Variants in NCALD observed in about 807,000 individuals in gnomAD.
The protein encoded by NCALD is neurocalcin-delta.
NCALD carries 10 observed loss-of-function variants against 18.6 expected under a neutral mutation model. The observed-to-expected ratio is 0.54, with a 90% confidence interval of 0.33 to 0.91. The LOEUF (loss-of-function observed/expected upper bound fraction) is 0.91, where lower values mean the gene tolerates loss of function less well. Among genes scored for constraint, NCALD ranks in the 40% least tolerant of loss-of-function variants. The probability of loss-of-function intolerance (pLI) is 0.03; values close to 1 mark genes in which losing one functional copy is unlikely to be tolerated. For missense variants in NCALD, 184 were observed against 247.6 expected (o/e 0.74, Z 1.72); for synonymous variants, 88 against 87.4 (o/e 1.01, Z -0.04).
At chr8:102,084,728 C>T (rs1038616909) in intron 1 of NCALD, among the ~76,000 whole-genome samples, 15 of 152,210 alleles carry the variant, frequency 9.9e-5, no homozygotes, top group African/African-American at 3.4e-4. Context: ...TCTTAGTCCA[C>T]AAGCTTGAAC....
chr8:102,103,243 C>G (rs1038198669), intron 1 of NCALD, among the ~76,000 whole-genome samples: 3 of 254 alleles, frequency 0.012, no homozygotes, highest in Non-Finnish European at 0.048. Flanking sequence ...TAAACACACT[C>G]TACCCTTTCT....
intron 1 of NCALD, among the ~76,000 whole-genome samples, chr8:101,768,527 G>A (rs1020945120): frequency 2.0e-5 from 3 of 152,146 alleles, no homozygotes; most frequent in African/African-American, 7.2e-5. Flanking sequence ...TGGCCAACAT[G>A]GTGAAGCCTC....
intron 2 of NCALD, among the ~76,000 whole-genome samples, chr8:102,001,987 G>A (rs1449955748): frequency 2.0e-5 from 3 of 152,126 alleles, no homozygotes; most frequent in African/African-American, 7.2e-5. Flanking sequence ...AAAATAACCA[G>A]CTAACATCAT....
chr8:101,699,195 T>C (rs1201107459), intron 2 of NCALD, among the ~76,000 whole-genome samples: 1 of 152,128 alleles, frequency 6.6e-6, no homozygotes, highest in Non-Finnish European at 1.5e-5. Flanking sequence ...GAAATGCGAA[T>C]CAAAACCTCA....
chr8:101,754,290 A>C, intron 1 of NCALD, among the ~76,000 whole-genome samples: 1 of 152,156 alleles, frequency 6.6e-6, no homozygotes, highest in East Asian at 1.9e-4. Context: ...ATCTGACTTT[A>C]TTCTCTCATT....
At chr8:101,924,069 C>T (rs536688629) in intron 2 of NCALD, among the ~76,000 whole-genome samples, 4 of 152,290 alleles carry the variant, frequency 2.6e-5, no homozygotes, top group African/African-American at 9.6e-5. Context: ...GCCTAGGCCT[C>T]CCAACTTCTT....
At chr8:101,858,465 T>A in intron 4 of NCALD, among the ~76,000 whole-genome samples, 1 of 152,166 alleles carries the variant, frequency 6.6e-6, no homozygotes, top group Non-Finnish European at 1.5e-5. Context: ...ACCCCACAGC[T>A]AGGCAACTTC....
chr8:101,850,206 C>T (rs572385759), intron 4 of NCALD, among the ~76,000 whole-genome samples: 16 of 152,238 alleles, frequency 1.1e-4, no homozygotes, highest in African/African-American at 3.1e-4. Flanking sequence ...AAAATTCTCG[C>T]TTGATCTGGG....
chr8:102,063,083 T>C (rs551316839), intron 1 of NCALD, among the ~76,000 whole-genome samples: 2 of 152,304 alleles, frequency 1.3e-5, no homozygotes, highest in African/African-American at 4.8e-5. Context: ...CACTATAAAA[T>C]GAATGCACTA....
intron 3 of NCALD, among the ~76,000 whole-genome samples, chr8:101,890,849 C>A (rs1816847363): frequency 6.6e-6 from 1 of 152,186 alleles, no homozygotes; most frequent in South Asian, 2.1e-4. Context: ...AGAAGACATG[C>A]ACAAACATGA....
Position 101,942,143 on chromosome 8 carries a change from C to T in NCALD, c.-156-26285G>A, listed in dbSNP as rs1326978150. On this transcript the variant is annotated intron_variant, in intron 2 of 6. Transcript: ENST00000311028. Reference sequence around the variant, plus strand: ...ATTTCCAACACTGTATATAGCTTGTCTAGAGAATAGGTGACACCCATTCTC... The same window carrying T: ...ATTTCCAACACTGTATATAGCTTGTTTAGAGAATAGGTGACACCCATTCTC... Among the ~76,000 whole-genome samples the T allele has an allele frequency of 2.6e-5, 4 of 152,130 alleles. No homozygotes were observed. The East Asian group carries it at 7.7e-4, about 29-fold the overall frequency.
chr8:101,977,410 C>T (rs912877791), intron 2 of NCALD, among the ~76,000 whole-genome samples: 1 of 150,964 alleles, frequency 6.6e-6, no homozygotes, highest in Admixed American at 6.6e-5. Flanking sequence ...TTTTTTCCAT[C>T]CCTTAGGACA....
intron 2 of NCALD, among the ~76,000 whole-genome samples, chr8:101,977,586 T>A (rs1192192293): frequency 6.6e-6 from 1 of 152,200 alleles, no homozygotes; most frequent in Non-Finnish European, 1.5e-5. Flanking sequence ...CTGCTCTTAC[T>A]CTGTTTCAAG....
At chr8:101,910,480 G>C (rs1160852712) in intron 3 of NCALD, among the ~76,000 whole-genome samples, 2 of 147,570 alleles carry the variant, frequency 1.4e-5, no homozygotes, top group Admixed American at 6.7e-5. Context: ...GTGAATGTCT[G>C]TCTTCCCAGA....
intron 4 of NCALD, among the ~76,000 whole-genome samples, chr8:101,810,318 C>G (rs768591843): frequency 1.3e-5 from 2 of 152,026 alleles, no homozygotes; most frequent in Non-Finnish European, 2.9e-5. Context: ...CTACCTTGCA[C>G]GGTGGTTATA....
intron 3 of NCALD, among the ~76,000 whole-genome samples, chr8:101,892,524 AC>A (rs1816949136): frequency 6.7e-6 from 1 of 149,532 alleles, no homozygotes; most frequent in Non-Finnish European, 1.5e-5. Context: ...AATGACTTTG[AC>A]AAATTGAGAG....
intron 2 of NCALD, among the ~76,000 whole-genome samples, chr8:101,942,789 T>C (rs1450365862): frequency 6.6e-6 from 1 of 152,210 alleles, no homozygotes; most frequent in East Asian, 1.9e-4. Flanking sequence ...CAAGGTCACA[T>C]AGCAAGTAGG....
chr8:101,805,822 G>A (rs1369261319), intron 4 of NCALD, among the ~76,000 whole-genome samples: 1 of 152,210 alleles, frequency 6.6e-6, no homozygotes, highest in Non-Finnish European at 1.5e-5. Context: ...TAGGAAAGGA[G>A]ATAGCTAAAA....
In NCALD at chr8:101,981,423, TAA is replaced by T. The variant is rs990243027; in HGVS notation, c.-157+38812_-157+38813del. 1.0e-3 allele frequency among the ~76,000 whole-genome samples: 157 copies of T among 152,356 alleles called. 6 individuals carry two copies. The highest frequency in any genetic ancestry group is 0.01 in the Admixed American group (157 of 15,304). On this transcript the variant is annotated intron_variant, in intron 2 of 6. Transcript: ENST00000311028. Reference sequence around the variant, plus strand: ...ATTTTTAGAGAAGGGGAAAAAAGATTAAAACTTTTAATTAAAAACATTTTATA... The same window carrying T: ...ATTTTTAGAGAAGGGGAAAAAAGATTAACTTTTAATTAAAAACATTTTATA...
Sources: gnomAD v4.1 joint callset for allele counts (sites outside exome capture counted in the v4.1 genomes callset) on GRCh38, gnomAD v4.1.1 for gene constraint, MANE v1.5 for transcripts, NCBI Gene and HGNC (gene_info 2026-07-23, HGNC 2026-07-21) for gene names.